Variants in BIN2 observed in about 807,000 individuals in gnomAD.
BIN2 encodes the protein breast cancer associated protein BRAP1.
BIN2 carries 43 observed loss-of-function variants against 67.9 expected under a neutral mutation model. The ratio of observed to expected loss-of-function variants is 0.63; its 90% CI spans 0.50 to 0.82. The LOEUF is 0.82. Among genes scored for constraint, BIN2 ranks in the 40% least tolerant of loss-of-function variants. The pLI is 0.00. For missense variants in BIN2, 581 were observed against 671.6 expected (o/e 0.87, Z 1.49); for synonymous variants, 244 against 246.8 (o/e 0.99, Z 0.11).
chr12:51,294,830 C>T (rs1945492368), intron 9 of BIN2, among the ~76,000 whole-genome samples: 1 of 152,134 alleles, frequency 6.6e-6, no homozygotes, highest in South Asian at 2.1e-4. Flanking sequence ...ACATTGGGAA[C>T]TTCAGCTATA....
upstream of BIN2, chr12:51,324,595 A>G: frequency 7.0e-7 from 1 of 1,437,816 alleles, no homozygotes; most frequent in African/African-American, 1.4e-5. Flanking sequence ...GGTAGGCTCT[A>G]AGCCTGGAAC....
At chr12:51,284,611 G>C in intron 12 of BIN2, 105 bp downstream of exon 12, 1 of 873,900 alleles carries the variant, frequency 1.1e-6, no homozygotes, top group Non-Finnish European at 1.9e-6. Flanking sequence ...CTAAGGGTAT[G>C]GTTCACTGCC....
intron 10 of BIN2, among the ~76,000 whole-genome samples, chr12:51,291,227 A>G (rs1429649646): frequency 6.6e-6 from 1 of 152,224 alleles, no homozygotes; most frequent in African/African-American, 2.4e-5. Flanking sequence ...CTATGAAGAC[A>G]TGAAACAATC....
intron 1 of BIN2, among the ~76,000 whole-genome samples, chr12:51,318,889 C>T (rs1301685106): frequency 6.6e-6 from 1 of 152,072 alleles, no homozygotes; most frequent in Non-Finnish European, 1.5e-5. Flanking sequence ...CCTGTAAATG[C>T]TTATATTTTT....
rs868427195 is a variant in BIN2, at chr12:51,296,353, T to C, written c.679-475A>G. Among the ~76,000 whole-genome samples the C allele has an allele frequency of 2.6e-5, 4 of 151,870 alleles. No individual in the cohort carries two copies. The Middle Eastern group carries it at 0.01, about 387-fold the overall frequency. On this transcript the variant is annotated intron_variant, in intron 8 of 12. Coordinates refer to ENST00000615107, the MANE Select transcript of BIN2 (RefSeq NM_016293.4). ...CTACTAAAAATACAAAAAAATTAGC[T>C]GGGCGTGGTGGTGGGCACCTGTAGT... is the stretch of plus-strand genomic sequence containing the variant.
chr12:51,311,366 G>A (rs1462981611), intron 2 of BIN2, among the ~76,000 whole-genome samples: 2 of 150,940 alleles, frequency 1.3e-5, no homozygotes, highest in African/African-American at 4.9e-5. Context: ...GTTGTAATGA[G>A]TACATATTTT....
chr12:51,303,121 G>A lies in BIN2; in HGVS notation c.183C>T (p.Tyr61=), dbSNP rs1313949194. The change falls in exon 3 of 13, where the codon TAC becomes TAT. Residue 61 remains tyrosine (Y), a synonymous_variant. Coordinates refer to ENST00000615107, the MANE Select transcript of BIN2 (RefSeq NM_016293.4). Reference sequence around the variant, plus strand: ...CACTAAGGAAGTTCTTCAGGTCCTTGTACAGCTTGTGGCCTTCTGCCTGAA... The same window carrying A: ...CACTAAGGAAGTTCTTCAGGTCCTTATACAGCTTGTGGCCTTCTGCCTGAA... The part of the protein sequence containing the change: ...YQQQAEGHKL[Y]KDLKNFLSAV... 2.1e-5 allele frequency: 34 copies of A among 1,614,042 alleles called. No homozygotes were observed. Among genetic ancestry groups the A allele is most frequent in the Non-Finnish European group, 2.6e-5 (31 of 1,179,984 alleles).
chr12:51,308,574 T>C (rs1351443513), intron 2 of BIN2, among the ~76,000 whole-genome samples: 1 of 152,088 alleles, frequency 6.6e-6, no homozygotes. Context: ...GCAAAACAAG[T>C]GTAAATAGCA....
At chr12:51,294,370 C>T (rs1008150800) in intron 9 of BIN2, among the ~76,000 whole-genome samples, 34 of 152,100 alleles carry the variant, frequency 2.2e-4, no homozygotes, top group Non-Finnish European at 4.1e-4. Flanking sequence ...AGTTCAAGAC[C>T]AGCCTGGCCA....
At chr12:51,284,417 CT>C (rs1211691346) in intron 12 of BIN2, among the ~76,000 whole-genome samples, 1 of 152,114 alleles carries the variant, frequency 6.6e-6, no homozygotes, top group Non-Finnish European at 1.5e-5. Context: ...ATAATATGAC[CT>C]TTTTGCATTT....
At position 51,288,148 on chromosome 12, in the gene BIN2, T is replaced by C; in HGVS notation, c.1556A>G (p.Lys519Arg). Residue 519 changes from lysine to arginine, a missense_variant, in exon 11 of 13, where the codon AAG becomes AGG. By Grantham distance (26) the Lys-to-Arg change is conservative. Transcript: ENST00000615107. ...EPGEAKKMED[K>R]EKDNKLISAN... ...TGAGATAAGCTTATTATCCTTTTCC[T>C]TGTCTTCCATCTTCTTTGCCTCTCC... 1 of 1,613,974 alleles carries C rather than the reference T, an allele frequency of 6.2e-7. No individual in the cohort carries two copies. The highest frequency in any genetic ancestry group is 8.5e-7 in the Non-Finnish European group (1 of 1,179,832).
chr12:51,283,352 G>A (rs1254726176), intron 12 of BIN2, among the ~76,000 whole-genome samples: 1 of 151,936 alleles, frequency 6.6e-6, no homozygotes, highest in African/African-American at 2.4e-5. Flanking sequence ...AAGAGGCGTT[G>A]TTATTACCAG....
At chr12:51,314,831 C>T (rs1418094210) in intron 1 of BIN2, among the ~76,000 whole-genome samples, 12 of 151,772 alleles carry the variant, frequency 7.9e-5, no homozygotes. Context: ...TAAGGTATAT[C>T]TTTCTGAATG....
intron 1 of BIN2, among the ~76,000 whole-genome samples, chr12:51,316,218 C>T (rs575795196): frequency 3.3e-5 from 5 of 151,932 alleles, no homozygotes; most frequent in South Asian, 2.1e-4. Flanking sequence ...GGGCTAGGCG[C>T]GGTGGCTCAT....
At chr12:51,320,484 C>T (rs1946242131) in intron 1 of BIN2, among the ~76,000 whole-genome samples, 1 of 152,154 alleles carries the variant, frequency 6.6e-6, no homozygotes. Context: ...AGCTAGAATG[C>T]TCTCTGATCA....
In BIN2 at chr12:51,324,056, T is replaced by C. The variant is rs1946365715; in HGVS notation, c.47A>G (p.Gln16Arg). The change falls in exon 1 of 13, where the codon CAG (glutamine) becomes CGG (arginine). Residue 16 changes from glutamine (Q) to arginine (R), a missense_variant. By Grantham distance (43) the Gln-to-Arg change is conservative (BLOSUM62 1). Coordinates refer to ENST00000615107, the MANE Select transcript of BIN2 (RefSeq NM_016293.4). ...AGGAAGLFAKQVQKKFSRAQE... is the reference protein window; with the variant it reads ...AGGAAGLFAKRVQKKFSRAQE... ...GGCCCTGCTAAACTTCTTCTGCACC[T>C]GCTTGGCGAAGAGGCCGGCCGCGCC... The C allele has an allele frequency of 6.2e-7, 1 of 1,613,592 alleles. No individual in the cohort carries two copies. Among genetic ancestry groups the C allele is most frequent in the Non-Finnish European group, 8.5e-7 (1 of 1,179,708 alleles).
rs1031011844 is a variant in BIN2, at chr12:51,286,048, C to T, written c.1597-1261G>A. Among the ~76,000 whole-genome samples, 5 of 152,232 alleles carry T rather than the reference C, an allele frequency of 3.3e-5. No individual in the cohort carries two copies. The South Asian group carries it at 6.2e-4, about 19-fold the overall frequency. On this transcript the variant is annotated intron_variant, in intron 11 of 12. Transcript: ENST00000615107. ...TCAGAGGTGATGTTACATCACCTCCCGGAAAGTTATCAAAACCTTCCATCT... is the reference window on the plus strand; with the variant it reads ...TCAGAGGTGATGTTACATCACCTCCTGGAAAGTTATCAAAACCTTCCATCT...
Position 51,302,757 on chromosome 12 carries a change from C to A in BIN2, c.241G>T (p.Val81Leu). The change falls in exon 4 of 13, where the codon GTG becomes TTG. Residue 81 changes from valine (V) to leucine (L), a missense_variant. By Grantham distance (32) the Val-to-Leu change is conservative. Transcript: ENST00000615107. ...TAGATCTCCTGCAGGGTTTCTGACA[C>A]TCTTTTTGAACTTTCATGCATCACT... ...VKVMHESSKRVSETLQEIYSS... is the reference protein window; with the variant it reads ...VKVMHESSKRLSETLQEIYSS... 2 of 1,614,094 alleles carry A rather than the reference C, an allele frequency of 1.2e-6. No homozygotes were observed. The highest frequency in any genetic ancestry group is 1.7e-6 in the Non-Finnish European group (2 of 1,179,940).
chr12:51,281,581 C>T, intron 12 of BIN2, 53 bp from the exon 13 acceptor site: 1 of 1,582,940 alleles, frequency 6.3e-7, no homozygotes, highest in Non-Finnish European at 8.7e-7. Flanking sequence ...CCACCAACCA[C>T]TTATGGAGGG....
Sources: allele counts gnomAD v4.1 joint callset (sites outside exome capture counted in the v4.1 genomes callset), GRCh38; gene constraint gnomAD v4.1.1; transcripts MANE v1.5; gene names NCBI Gene and HGNC (gene_info 2026-07-23, HGNC 2026-07-21).